ASAP1: variants seen among roughly 807,000 people sequenced by gnomAD.
The protein encoded by ASAP1 is arf-GAP with SH3 domain, ANK repeat and PH domain-containing protein 1.
A neutral mutation model predicts 145.2 loss-of-function variants in ASAP1; 43 were observed. That is an observed-to-expected ratio of 0.30 (90% CI 0.23 to 0.38). The LOEUF is 0.38. Among genes scored for constraint, ASAP1 ranks in the 10% least tolerant of loss-of-function variants. The pLI, the probability that ASAP1 is intolerant of heterozygous loss-of-function variation, is 1.00. For missense variants in ASAP1, 1,018 were observed against 1,355.3 expected, an observed-to-expected ratio of 0.75 and a Z score of 3.91; for synonymous variants, 546 against 515.5, an observed-to-expected ratio of 1.06 and a Z score of -0.80.
chr8:130,149,225 T>G (rs890022122), intron 13 of ASAP1, among the ~76,000 whole-genome samples: 3 of 148,024 alleles, frequency 2.0e-5, no homozygotes, highest in Non-Finnish European at 4.5e-5. Context: ...TCTTATACTG[T>G]GTTTAGAACA....
intron 2 of ASAP1, among the ~76,000 whole-genome samples, chr8:130,395,020 A>AT (rs1355421067): frequency 6.6e-6 from 1 of 152,206 alleles, no homozygotes; most frequent in Admixed American, 6.5e-5. Context: ...AACCATCAGC[A>AT]TAAGAAGCAA....
Position 130,076,241 on chromosome 8 carries a change from T to C in ASAP1, c.2701+107A>G, listed in dbSNP as rs560427977. 8.5e-6 allele frequency: 6 copies of C among 704,458 alleles called. No individual in the cohort carries two copies. In the South Asian group the frequency reaches 1.2e-4, roughly 14 times the overall value. 43.6% of individuals were successfully genotyped at this position (704,458 alleles called of 1,614,324 possible). On this transcript the variant is annotated intron_variant, in intron 27 of 29. Transcript: ENST00000518721. ...ATCCACTACATGCCAGGTGCTGCTC[T>C]AGGCATTTGGGATGGATCAATGAAC...
intron 24 of ASAP1, among the ~76,000 whole-genome samples, chr8:130,094,270 G>A (rs1053132005): frequency 2.6e-5 from 4 of 152,048 alleles, no homozygotes; most frequent in Admixed American, 2.6e-4. Flanking sequence ...GAGTGCAGTG[G>A]CAAGATCACA....
intron 3 of ASAP1, among the ~76,000 whole-genome samples, chr8:130,342,059 TTCCAAGAGTTA>T (rs1390699537): frequency 6.6e-6 from 1 of 152,178 alleles, no homozygotes; most frequent in Non-Finnish European, 1.5e-5. Context: ...AGAGATTTCC[TTCCAAGAGTTA>T]GCTGAAAGCA....
At chr8:130,270,555 T>C (rs1157938061) in intron 3 of ASAP1, among the ~76,000 whole-genome samples, 5 of 152,370 alleles carry the variant, frequency 3.3e-5, no homozygotes, top group South Asian at 2.1e-4. Flanking sequence ...TTTTGCTCTA[T>C]GTTCATAGAA....
intron 5 of ASAP1, among the ~76,000 whole-genome samples, chr8:130,192,942 A>C (rs1196983215): frequency 6.6e-6 from 1 of 152,220 alleles, no homozygotes; most frequent in Non-Finnish European, 1.5e-5. Flanking sequence ...GGCTAAATAA[A>C]TTACAGAGTT....
chr8:130,105,161 C>T (rs1564963237), intron 24 of ASAP1, among the ~76,000 whole-genome samples: 1 of 152,008 alleles, frequency 6.6e-6, no homozygotes, highest in African/African-American at 2.4e-5. Flanking sequence ...GTTCAACCAA[C>T]CCTGGATTAA....
chr8:130,226,042 G>T (rs1358762387), intron 4 of ASAP1, among the ~76,000 whole-genome samples: 1 of 133,590 alleles, frequency 7.5e-6, no homozygotes, highest in African/African-American at 2.7e-5. Flanking sequence ...ACCATGCTTG[G>T]CTTTTTTTTT....
intron 3 of ASAP1, among the ~76,000 whole-genome samples, chr8:130,350,144 C>G (rs1324873330): frequency 1.3e-5 from 2 of 152,358 alleles, no homozygotes; most frequent in East Asian, 3.9e-4. Context: ...GAGACCAGGA[C>G]TTAATGACAG....
intron 15 of ASAP1, among the ~76,000 whole-genome samples, chr8:130,133,799 G>A (rs58012382): frequency 0.011 from 1,704 of 152,288 alleles, 27 homozygotes; most frequent in African/African-American, 0.039. Flanking sequence ...AAAGGCACAT[G>A]GCAGTTTCCT....
At chr8:130,072,831 G>GCGTGTGCGT (rs58907739) in intron 27 of ASAP1, among the ~76,000 whole-genome samples, 1 of 110,702 alleles carries the variant, frequency 9.0e-6, no homozygotes, top group South Asian at 2.6e-4. Flanking sequence ...GTGTGCGCGC[G>GCGTGTGCGT]GGGGGGGGCA....
At chr8:130,292,110 C>T (rs1219205517) in intron 3 of ASAP1, among the ~76,000 whole-genome samples, 2 of 152,148 alleles carry the variant, frequency 1.3e-5, no homozygotes, top group Admixed American at 6.5e-5. Context: ...GCCCCTACTA[C>T]CCTTTTGGAT....
At chr8:130,331,403 A>G (rs903806911) in intron 3 of ASAP1, among the ~76,000 whole-genome samples, 3 of 152,194 alleles carry the variant, frequency 2.0e-5, no homozygotes, top group African/African-American at 7.2e-5. Flanking sequence ...AACTGTGTCA[A>G]CTTGGTCAGT....
rs1229216117 is a variant in ASAP1, at chr8:130,116,899, G to C, written c.1977C>G (p.Ser659Arg). 6.2e-7 allele frequency: 1 copy of C among 1,613,674 alleles called. No individual in the cohort carries two copies. The highest frequency in any genetic ancestry group is 8.5e-7 in the Non-Finnish European group (1 of 1,179,754). Residue 659 changes from serine (S) to arginine (R), a missense_variant, in exon 21 of 30, where the codon AGC becomes AGG. This residue lies in a region of ASAP1 where 353 missense variants were observed against 375.4 expected (regional missense o/e 0.94). Transcript: ENST00000518721. ...TCTTACCTATATCCACAGTGGGCTTGCTCCTGAGCAAAAGCTTCAAACACT... is the reference window on the plus strand; with the variant it reads ...TCTTACCTATATCCACAGTGGGCTTCCTCCTGAGCAAAAGCTTCAAACACT... Reference protein sequence around the residue: ...KPECLKLLLRSKPTVDIVNQA... With the variant: ...KPECLKLLLRRKPTVDIVNQA...
chr8:130,401,872 A>G lies in ASAP1; in HGVS notation c.59+13T>C. ...CCGAGTTTTCTGGACAGGATGGGCT[A>G]GAGATCACTCACCGATTCCATAGTG... On this transcript the variant is annotated intron_variant, in intron 2 of 29. Coordinates refer to ENST00000518721, the MANE Select transcript of ASAP1 (RefSeq NM_018482.4). 1.2e-6 allele frequency: 2 copies of G among 1,612,626 alleles called. No homozygotes were observed. Among genetic ancestry groups the G allele is most frequent in the African/African-American group, 1.3e-5 (1 of 75,046 alleles).
At chr8:130,346,379 A>ACATATCT (rs1438014304) in intron 3 of ASAP1, among the ~76,000 whole-genome samples, 1 of 152,246 alleles carries the variant, frequency 6.6e-6, no homozygotes, top group Non-Finnish European at 1.5e-5. Context: ...AGTCTAACCT[A>ACATATCT]CATATCTCAT....
At chr8:130,319,702 C>T (rs1342076906) in intron 3 of ASAP1, among the ~76,000 whole-genome samples, 1 of 152,110 alleles carries the variant, frequency 6.6e-6, no homozygotes, top group Non-Finnish European at 1.5e-5. Flanking sequence ...CAGAGCAACG[C>T]ACGTATTAAA....
chr8:130,300,480 GA>G (rs1822597336), intron 3 of ASAP1, among the ~76,000 whole-genome samples: 1 of 152,110 alleles, frequency 6.6e-6, no homozygotes, highest in Admixed American at 6.6e-5. Flanking sequence ...CAGCACACTG[GA>G]ATCACCTGGC....
chr8:130,354,909 G>A (rs1052041624), intron 3 of ASAP1, among the ~76,000 whole-genome samples: 1 of 152,178 alleles, frequency 6.6e-6, no homozygotes, highest in African/African-American at 2.4e-5. Flanking sequence ...TTTTTGAGAC[G>A]TAGCCTCACT....
Sources: allele counts gnomAD v4.1 joint callset (sites outside exome capture counted in the v4.1 genomes callset), GRCh38; gene constraint gnomAD v4.1.1; regional missense constraint gnomAD v4.1.1; transcripts MANE v1.5; gene names NCBI Gene and HGNC (gene_info 2026-07-23, HGNC 2026-07-21).